HIPK2: variants seen among roughly 807,000 people sequenced by gnomAD.
HIPK2 encodes the protein homeodomain-interacting protein kinase 2.
Under a neutral mutation model 113.7 loss-of-function variants are expected in HIPK2, and 27 were observed. The observed-to-expected ratio is 0.24, with a 90% CI of 0.17 to 0.33. HIPK2 has a LOEUF of 0.33. Among genes scored for constraint, HIPK2 ranks in the 10% least tolerant of loss-of-function variants. The pLI is 1.00. For missense variants in HIPK2, 1,257 were observed against 1,588.0 expected, an observed-to-expected ratio of 0.79 and a Z score of 3.54; for synonymous variants, 631 against 642.2, an observed-to-expected ratio of 0.98 and a Z score of 0.26.
chr7:139,749,787 C>G (rs969512914), intron 1 of HIPK2, among the ~76,000 whole-genome samples: 16 of 152,220 alleles, frequency 1.1e-4, no homozygotes. Context: ...CTGCACCCTC[C>G]TCTGGTATCC....
At chr7:139,708,452 A>G (rs1055733494) in intron 2 of HIPK2, among the ~76,000 whole-genome samples, 1 of 152,158 alleles carries the variant, frequency 6.6e-6, no homozygotes, top group African/African-American at 2.4e-5. Context: ...GGGCCTGCTC[A>G]TTAGGTTTGT....
At position 139,613,259 on chromosome 7, in the gene HIPK2, G is replaced by A. The variant is rs768866621; in HGVS notation, c.2055C>T (p.Ile685=). The A allele has an allele frequency of 2.5e-6, 4 of 1,613,652 alleles. No homozygotes were observed. The highest frequency in any genetic ancestry group is 2.7e-5 in the African/African-American group (2 of 74,902). ...GCTGAGCTCCTGGGGCTTGAGTGAC[G>A]ATGGGAACTGCATTTTCCATTCGCA... is the stretch of plus-strand genomic sequence containing the variant. ...YSVRMENAVP[I]VTQAPGAQPL... is the part of the protein sequence containing the mutation. The change falls in exon 9 of 15, where the codon ATC becomes ATT. Residue 685 remains isoleucine (I), a synonymous_variant. Transcript: ENST00000406875. The surrounding 1 kb of genome is among the most constrained non-coding windows in gnomAD (Gnocchi z 4.2).
chr7:139,580,061 A>C (rs1161625699), intron 13 of HIPK2, among the ~76,000 whole-genome samples: 1 of 152,162 alleles, frequency 6.6e-6, no homozygotes, highest in Admixed American at 6.5e-5. Context: ...GAAAAGAAAA[A>C]TAGAAAGCTG....
At chr7:139,596,285 GAC>G in intron 12 of HIPK2, among the ~76,000 whole-genome samples, 1 of 152,354 alleles carries the variant, frequency 6.6e-6, no homozygotes, top group East Asian at 1.9e-4. Flanking sequence ...AGGTTAATCA[GAC>G]ACAGGGAAAT....
At chr7:139,612,317 A>G (rs1799862819) in intron 9 of HIPK2, among the ~76,000 whole-genome samples, 1 of 152,346 alleles carries the variant, frequency 6.6e-6, no homozygotes, top group East Asian at 1.9e-4. Flanking sequence ...ATTTAAAAAT[A>G]AAGCTGCTTC....
intron 2 of HIPK2, among the ~76,000 whole-genome samples, chr7:139,694,829 T>C (rs1794518672): frequency 6.6e-6 from 1 of 152,178 alleles, no homozygotes; most frequent in African/African-American, 2.4e-5. Context: ...GACAGGTGAC[T>C]GGCAACCATT....
At chr7:139,633,500 T>A (rs1800693746) in intron 2 of HIPK2, among the ~76,000 whole-genome samples, 1 of 152,104 alleles carries the variant, frequency 6.6e-6, no homozygotes, top group Non-Finnish European at 1.5e-5. Context: ...TATTACCAAG[T>A]TCTGATTTTT....
chr7:139,662,898 C>T (rs1350356653), intron 2 of HIPK2, among the ~76,000 whole-genome samples: 1 of 152,154 alleles, frequency 6.6e-6, no homozygotes, highest in Non-Finnish European at 1.5e-5. Flanking sequence ...GGATTACAGG[C>T]ATGAGCCATC....
intron 6 of HIPK2, among the ~76,000 whole-genome samples, chr7:139,624,180 C>T (rs910518101): frequency 2.1e-4 from 32 of 152,114 alleles, no homozygotes; most frequent in Non-Finnish European, 4.6e-4. Flanking sequence ...GCGGCCACCA[C>T]GCTTGGCTAA....
chr7:139,731,694 G>C (rs1282547917), intron 1 of HIPK2, among the ~76,000 whole-genome samples: 1 of 152,200 alleles, frequency 6.6e-6, no homozygotes, highest in South Asian at 2.1e-4. Context: ...CAGTGATGCC[G>C]GGGATGTGAG....
intron 2 of HIPK2, among the ~76,000 whole-genome samples, chr7:139,703,932 C>T: frequency 7.3e-6 from 1 of 136,538 alleles, no homozygotes; most frequent in Non-Finnish European, 1.6e-5. Flanking sequence ...CCCCTCCACA[C>T]CCACACTATA....
chr7:139,741,845 C>T (rs1035236671), intron 1 of HIPK2, among the ~76,000 whole-genome samples: 1 of 152,172 alleles, frequency 6.6e-6, no homozygotes, highest in Non-Finnish European at 1.5e-5. Context: ...TGGCACAGAA[C>T]CTGGTATGAT....
chr7:139,650,659 G>A (rs1190010224), intron 2 of HIPK2, among the ~76,000 whole-genome samples: 4 of 152,168 alleles, frequency 2.6e-5, no homozygotes, highest in African/African-American at 7.2e-5. Flanking sequence ...ATAAGACAGC[G>A]CAGAAATGAC....
At chr7:139,724,991 T>C (rs1443365666) in intron 1 of HIPK2, among the ~76,000 whole-genome samples, 1 of 152,012 alleles carries the variant, frequency 6.6e-6, no homozygotes, top group African/African-American at 2.4e-5. Context: ...ATACTACTGA[T>C]TGCAGCACTG....
chr7:139,607,669 ATAT>A (rs1216346598), intron 9 of HIPK2, among the ~76,000 whole-genome samples: 1 of 152,146 alleles, frequency 6.6e-6, no homozygotes, highest in Non-Finnish European at 1.5e-5. Context: ...ACTAAGAATA[ATAT>A]TATATAATAT....
intron 1 of HIPK2, among the ~76,000 whole-genome samples, chr7:139,728,158 G>C (rs1795645078): frequency 6.6e-6 from 1 of 151,966 alleles, no homozygotes; most frequent in Non-Finnish European, 1.5e-5. Flanking sequence ...GTCCAGGCTG[G>C]TCTCGAACTC....
intron 2 of HIPK2, among the ~76,000 whole-genome samples, chr7:139,647,492 T>C (rs1801279550): frequency 6.6e-6 from 1 of 152,216 alleles, no homozygotes; most frequent in African/African-American, 2.4e-5. Flanking sequence ...TCTTCTCTGA[T>C]AATAAGGATT....
chr7:139,727,127 G>A (rs74763385), intron 1 of HIPK2, among the ~76,000 whole-genome samples: 3,620 of 152,294 alleles, frequency 0.024, 125 homozygotes, highest in African/African-American at 0.082. Context: ...CTGTTTCCCA[G>A]GAGAAATGCT....
rs10248518 is a variant in HIPK2, at chr7:139,681,709, C to T, written c.1103+34223G>A. ...AAACTCCTCACATGAAAGGCCCTTG[C>T]ACTCCTGGGAAAAATATTCTCACTT... On this transcript the variant is annotated intron_variant, in intron 2 of 14. Coordinates refer to ENST00000406875, the MANE Select transcript of HIPK2 (RefSeq NM_022740.5). 7.9e-3 allele frequency among the ~76,000 whole-genome samples: 1,198 copies of T among 152,282 alleles called. 19 individuals are homozygous for T. Among genetic ancestry groups the T allele is most frequent in the African/African-American group, 0.027 (1,138 of 41,536 alleles).
Sources: allele counts gnomAD v4.1 joint callset (sites outside exome capture counted in the v4.1 genomes callset), GRCh38; gene constraint gnomAD v4.1.1; non-coding constraint Gnocchi (gnomAD v3.1); transcripts MANE v1.5; gene names NCBI Gene and HGNC (gene_info 2026-07-23, HGNC 2026-07-21).